The following TLE4 variants were observed in gnomAD, a reference collection of about 807,000 sequenced individuals.
TLE4 encodes TLE family member 4, transcriptional corepressor, also known as transducin-like enhancer protein 4.
A neutral mutation model predicts 92.8 loss-of-function variants in TLE4; 8 were observed. That is an observed-to-expected ratio of 0.09 (90% CI 0.05 to 0.16). The LOEUF is 0.16. Among genes scored for constraint, TLE4 ranks in the 10% least tolerant of loss-of-function variants. The pLI, the probability that TLE4 is intolerant of heterozygous loss-of-function variation, is 1.00. For missense variants in TLE4, 675 were observed against 997.6 expected (o/e 0.68, Z 4.36); for synonymous variants, 371 against 374.1 (o/e 0.99, Z 0.10).
At chr9:79,716,960 G>A (rs998857745) in intron 14 of TLE4, among the ~76,000 whole-genome samples, 1 of 152,198 alleles carries the variant, frequency 6.6e-6, no homozygotes, top group African/African-American at 2.4e-5. Context: ...AAATTGTCAT[G>A]TGATTGAACA....
intron 4 of TLE4, among the ~76,000 whole-genome samples, chr9:79,591,695 A>G (rs1275729874): frequency 2.0e-5 from 3 of 152,166 alleles, no homozygotes; most frequent in Admixed American, 2.0e-4. Flanking sequence ...AGGAATCCCT[A>G]TGACTTGACA....
intron 8 of TLE4, among the ~76,000 whole-genome samples, chr9:79,667,318 G>GCCCA (rs2061557546): frequency 6.6e-6 from 1 of 152,176 alleles, no homozygotes; most frequent in Non-Finnish European, 1.5e-5. Flanking sequence ...GAGGGCCAGG[G>GCCCA]CCCACGTCAG....
At chr9:79,724,920 G>C in intron 19 of TLE4, 117 bp from the exon 20 acceptor site, 1 of 483,890 alleles carries the variant, frequency 2.1e-6, no homozygotes, top group Non-Finnish European at 3.8e-6. Context: ...ACCTTTCCTT[G>C]ACTGGGCTTT....
rs952323034 is a variant in TLE4, at chr9:79,726,258, C to A, written c.*1114C>A. The A allele has an allele frequency of 6.6e-6, 1 of 152,612 alleles. No individual in the cohort carries two copies. Among genetic ancestry groups the A allele is most frequent in the African/African-American group, 2.4e-5 (1 of 41,422 alleles). The allele number at this position is 152,612 out of a possible 1,614,324, so 9.5% of individuals were successfully genotyped here. A position where few individuals can be genotyped will look rare whatever the true frequency, so the allele number is the denominator to read the frequency against. ...GTCCCTGAAATGGACACAGGCTGTG[C>A]CATTGTGCCAGAAACATTGTGTTAT... is the stretch of plus-strand genomic sequence containing the variant. On this transcript the variant is annotated 3_prime_UTR_variant, in exon 20 of 20. Coordinates refer to ENST00000376552, the MANE Select transcript of TLE4 (RefSeq NM_007005.6).
chr9:79,625,838 T>C (rs1221080357), intron 5 of TLE4, among the ~76,000 whole-genome samples: 2 of 151,064 alleles, frequency 1.3e-5, no homozygotes, highest in African/African-American at 4.8e-5. Context: ...TTATAAGGAA[T>C]AAAAGAATGG....
At chr9:79,652,026 T>C (rs747855156) in intron 6 of TLE4, among the ~76,000 whole-genome samples, 2 of 152,200 alleles carry the variant, frequency 1.3e-5, no homozygotes, top group East Asian at 3.9e-4. Flanking sequence ...AAGTTACTTA[T>C]ATACTTTCAC....
intron 8 of TLE4, among the ~76,000 whole-genome samples, chr9:79,695,722 G>A (rs964584342): frequency 6.6e-6 from 1 of 152,206 alleles, no homozygotes; most frequent in Non-Finnish European, 1.5e-5. Context: ...AGATCGGCTG[G>A]AGGGAGCTCC....
At chr9:79,662,440 G>A (rs1199776588) in intron 8 of TLE4, among the ~76,000 whole-genome samples, 2 of 152,086 alleles carry the variant, frequency 1.3e-5, no homozygotes, top group Non-Finnish European at 2.9e-5. Context: ...TTATTCTAGA[G>A]AATTTTGAGA....
At chr9:79,613,111 A>G (rs1195694764) in intron 5 of TLE4, among the ~76,000 whole-genome samples, 3 of 152,174 alleles carry the variant, frequency 2.0e-5, no homozygotes, top group Non-Finnish European at 4.4e-5. Context: ...AAGACATATC[A>G]AATGGAAAGA....
At chr9:79,649,958 C>G in intron 6 of TLE4, 1 of 1,126,274 alleles carries the variant, frequency 8.9e-7, no homozygotes, top group Non-Finnish European at 1.2e-6. Flanking sequence ...CTCTGTCACA[C>G]AGGCTGGGAT....
chr9:79,652,438 C>T lies in TLE4; in HGVS notation c.391-155C>T, dbSNP rs571860586. On this transcript the variant is annotated intron_variant, in intron 6 of 19. Transcript: ENST00000376552. The stretch of plus-strand genomic sequence containing the variant: ...TCCTGACCTCGTGATCCGCCTGCCT[C>T]GGCCTCCCAAAGTGCTGGGATTACA... Among the ~76,000 whole-genome samples the T allele has an allele frequency of 1.8e-4, 27 of 152,272 alleles. No individual in the cohort carries two copies. The South Asian group carries it at 1.9e-3, about 11-fold the overall frequency.
At chr9:79,649,818 A>G in intron 6 of TLE4, 2 of 1,365,720 alleles carry the variant, frequency 1.5e-6, no homozygotes, top group Non-Finnish European at 2.0e-6. Flanking sequence ...TTTATCCTGT[A>G]GGAGAAAAAG....
intron 6 of TLE4, among the ~76,000 whole-genome samples, chr9:79,644,263 T>C (rs906522047): frequency 1.3e-5 from 2 of 152,104 alleles, no homozygotes; most frequent in Non-Finnish European, 2.9e-5. Context: ...CATGTTTGCT[T>C]CCCCTTCCAC....
intron 8 of TLE4, among the ~76,000 whole-genome samples, chr9:79,676,396 C>T (rs2063264754): frequency 6.6e-6 from 1 of 152,086 alleles, no homozygotes; most frequent in African/African-American, 2.4e-5. Context: ...CTATGATATG[C>T]AGCCCTCAAC....
At chr9:79,592,165 TTCTTCCTCTTCC>T (rs1554694440) in intron 4 of TLE4, among the ~76,000 whole-genome samples, 1 of 140,742 alleles carries the variant, frequency 7.1e-6, no homozygotes, top group Non-Finnish European at 1.5e-5. Flanking sequence ...CTTCTTCTTC[TTCTTCCTCTTCC>T]TCTTCCTCTT....
chr9:79,588,848 T>A (rs1400701525), intron 4 of TLE4, among the ~76,000 whole-genome samples: 3 of 152,224 alleles, frequency 2.0e-5, no homozygotes, highest in Non-Finnish European at 2.9e-5. Context: ...TTGTGTACCT[T>A]TTTTGTGGGG....
rs183414594 is a variant in TLE4 at position 79,677,009 on chromosome 9, G to A, written c.609+22934G>A. On this transcript the variant is annotated intron_variant, in intron 8 of 19. Transcript: ENST00000376552. The stretch of plus-strand genomic sequence containing the variant: ...AGCCATGAATAAAACATAGTATTAT[G>A]GAAGGTATAATGGTATAAAATCCAG... Among the ~76,000 whole-genome samples, 809 of 152,138 alleles carry A rather than the reference G, an allele frequency of 5.3e-3. 10 individuals are homozygous for A. The highest frequency in any genetic ancestry group is 6.8e-3 in the Middle Eastern group (2 of 294).
chr9:79,688,111 C>G (rs2066275435), intron 8 of TLE4, among the ~76,000 whole-genome samples: 1 of 152,138 alleles, frequency 6.6e-6, no homozygotes, highest in Non-Finnish European at 1.5e-5. Context: ...TTTTAATAGT[C>G]TCACCATCTC....
chr9:79,717,709 G>A (rs769770096), intron 14 of TLE4, among the ~76,000 whole-genome samples: 7 of 152,052 alleles, frequency 4.6e-5, no homozygotes, highest in Non-Finnish European at 8.8e-5. Context: ...TGTCCTTTAC[G>A]CACCCACAAT....
Sources: allele counts gnomAD v4.1 joint callset (sites outside exome capture counted in the v4.1 genomes callset), GRCh38; gene constraint gnomAD v4.1.1; transcripts MANE v1.5; gene names NCBI Gene and HGNC (gene_info 2026-07-23, HGNC 2026-07-21).